PKNOX2: variants seen among roughly 807,000 people sequenced by gnomAD.
The protein encoded by PKNOX2 is homeobox protein PKNOX2.
A neutral mutation model predicts 53.1 loss-of-function variants in PKNOX2; 14 were observed. The observed-to-expected ratio is 0.26, with a 90% confidence interval of 0.17 to 0.41. The LOEUF (loss-of-function observed/expected upper bound fraction) is 0.41, where lower values mean the gene tolerates loss of function less well. Among genes scored for constraint, PKNOX2 ranks in the 10% least tolerant of loss-of-function variants. The pLI, the probability that PKNOX2 is intolerant of heterozygous loss-of-function variation, is 1.00. For missense variants in PKNOX2, 496 were observed against 602.8 expected, an observed-to-expected ratio of 0.82 and a Z score of 1.85; for synonymous variants, 257 against 242.8, an observed-to-expected ratio of 1.06 and a Z score of -0.54.
chr11:125,292,787 C>T (rs1317706588), intron 2 of PKNOX2, among the ~76,000 whole-genome samples: 2 of 152,148 alleles, frequency 1.3e-5, no homozygotes, highest in Admixed American at 6.5e-5. Flanking sequence ...TCCACATTGC[C>T]GTATACCTGA....
chr11:125,278,160 AGTGAGCT>A (rs1361920737), intron 2 of PKNOX2, among the ~76,000 whole-genome samples: 1 of 150,588 alleles, frequency 6.6e-6, no homozygotes, highest in Non-Finnish European at 1.5e-5. Context: ...TGGAGGCTGC[AGTGAGCT>A]GTGATTGCAC....
chr11:125,176,999 CG>C (rs1725895143), intron 1 of PKNOX2, among the ~76,000 whole-genome samples: 1 of 152,176 alleles, frequency 6.6e-6, no homozygotes, highest in Non-Finnish European at 1.5e-5. Context: ...GATAACCTTG[CG>C]ATGTTCATGT....
intron 1 of PKNOX2, among the ~76,000 whole-genome samples, chr11:125,234,281 G>A (rs779708367): frequency 2.0e-5 from 3 of 152,226 alleles, no homozygotes; most frequent in Non-Finnish European, 2.9e-5. Flanking sequence ...GGGGGTTCTT[G>A]TATATGGGTG....
intron 1 of PKNOX2, among the ~76,000 whole-genome samples, chr11:125,201,428 A>G (rs1938427609): frequency 6.6e-6 from 1 of 152,152 alleles, no homozygotes; most frequent in Non-Finnish European, 1.5e-5. Flanking sequence ...GGGGACTTCC[A>G]GATGATATGG....
chr11:125,235,432 C>T (rs1052916674), intron 2 of PKNOX2, among the ~76,000 whole-genome samples: 7 of 152,224 alleles, frequency 4.6e-5, no homozygotes, highest in South Asian at 2.1e-4. Flanking sequence ...CAGCCACTAT[C>T]GCCTGTGGGC....
At chr11:125,320,931 T>G (rs1949482156) in intron 2 of PKNOX2, among the ~76,000 whole-genome samples, 1 of 152,214 alleles carries the variant, frequency 6.6e-6, no homozygotes, top group Non-Finnish European at 1.5e-5. Flanking sequence ...AATTAGTCAT[T>G]GTGCTCTCTT....
intron 1 of PKNOX2, among the ~76,000 whole-genome samples, chr11:125,183,499 A>G (rs893320070): frequency 6.6e-6 from 1 of 152,110 alleles, no homozygotes; most frequent in Non-Finnish European, 1.5e-5. Flanking sequence ...TTTTTCTGAC[A>G]GTAGCTTGCC....
At chr11:125,313,011 C>A (rs58881694) in intron 2 of PKNOX2, among the ~76,000 whole-genome samples, 8 of 152,140 alleles carry the variant, frequency 5.3e-5, no homozygotes, top group African/African-American at 1.9e-4. Context: ...GAGGCCAAGC[C>A]CACTGGAGGC....
intron 1 of PKNOX2, among the ~76,000 whole-genome samples, chr11:125,168,889 T>A (rs1159547828): frequency 6.6e-6 from 1 of 152,254 alleles, no homozygotes; most frequent in Admixed American, 6.5e-5. Context: ...GCTTCCAACA[T>A]GTTGCAAGAT....
At chr11:125,356,924 C>T (rs146875591) in intron 4 of PKNOX2, among the ~76,000 whole-genome samples, 180 of 152,392 alleles carry the variant, frequency 1.2e-3, no homozygotes, top group Middle Eastern at 0.01. Flanking sequence ...ACTCGCTTTA[C>T]ATTCCTCTCA....
rs954624678 is a variant in PKNOX2, at chr11:125,324,148, A to G, written c.-129-7671A>G. Among the ~76,000 whole-genome samples, 5 of 152,190 alleles carry G rather than the reference A, an allele frequency of 3.3e-5. No homozygotes were observed. In the East Asian group the frequency reaches 9.6e-4, roughly 29 times the overall value. The stretch of plus-strand genomic sequence containing the variant: ...GTTTATTTCCCAAGAGAGGCAGAAC[A>G]GAAGCAGCTCACCCTCTTTATAGCT... On this transcript the variant is annotated intron_variant, in intron 2 of 12. Coordinates refer to ENST00000298282, the MANE Select transcript of PKNOX2 (RefSeq NM_001382323.2).
At chr11:125,411,515 C>A (rs1027804848) in intron 9 of PKNOX2, 2 of 407,004 alleles carry the variant, frequency 4.9e-6, no homozygotes, top group South Asian at 2.2e-5. Context: ...TCTCTCCCCC[C>A]CTTCCCCATC....
chr11:125,268,271 T>A (rs932654442), intron 2 of PKNOX2, among the ~76,000 whole-genome samples: 1 of 152,196 alleles, frequency 6.6e-6, no homozygotes, highest in African/African-American at 2.4e-5. Context: ...CCCTTTCACA[T>A]GCAGTATTTT....
At chr11:125,359,698 G>A (rs754317474) in intron 4 of PKNOX2, among the ~76,000 whole-genome samples, 1 of 152,142 alleles carries the variant, frequency 6.6e-6, no homozygotes, top group African/African-American at 2.4e-5. Flanking sequence ...CAAACTGGAG[G>A]GAGTACCAGC....
chr11:125,180,918 G>T (rs978578840), intron 1 of PKNOX2, among the ~76,000 whole-genome samples: 1 of 152,220 alleles, frequency 6.6e-6, no homozygotes, highest in African/African-American at 2.4e-5. Context: ...ATTTAGCTCT[G>T]ACTTGGTAGA....
chr11:125,363,011 G>T (rs1048759890), intron 4 of PKNOX2, among the ~76,000 whole-genome samples: 1 of 152,242 alleles, frequency 6.6e-6, no homozygotes, highest in African/African-American at 2.4e-5. Flanking sequence ...TTCCTTAGCT[G>T]CGAGCTTAAG....
In PKNOX2 at chr11:125,430,063, A is replaced by G; in HGVS notation, c.1114A>G (p.Thr372Ala). Residue 372 changes from threonine to alanine, a missense_variant, in exon 12 of 13, where the codon ACC becomes GCC. By Grantham distance (58) the Thr-to-Ala change is moderately conservative. Around this residue, in one of 5 missense-constraint regions of PKNOX2, gnomAD observed 139 missense variants for 161.3 expected, o/e 0.86. Coordinates refer to ENST00000298282, the MANE Select transcript of PKNOX2 (RefSeq NM_001382323.2). ...GAAGATCAAGTCTCAGCACCGGCCC[A>G]CCCAAAGATTCTGGCCCAACTCCAT... Reference protein sequence around the residue: ...AKKIKSQHRPTQRFWPNSIAA... With the variant: ...AKKIKSQHRPAQRFWPNSIAA... 6.2e-7 allele frequency: 1 copy of G among 1,614,132 alleles called. No individual in the cohort carries two copies. Among genetic ancestry groups the G allele is most frequent in the Non-Finnish European group, 8.5e-7 (1 of 1,180,020 alleles).
chr11:125,385,337 C>T (rs369907329), intron 5 of PKNOX2, among the ~76,000 whole-genome samples: 2 of 152,200 alleles, frequency 1.3e-5, no homozygotes, highest in East Asian at 3.9e-4. Context: ...GGGACAGAAG[C>T]CTCTTAAGCC....
chr11:125,301,008 C>CG (rs1443136691), intron 2 of PKNOX2, among the ~76,000 whole-genome samples: 2 of 152,196 alleles, frequency 1.3e-5, no homozygotes, highest in Non-Finnish European at 2.9e-5. Context: ...GCTCTATCCT[C>CG]GTCCCCTCCT....
Sources: gnomAD v4.1 joint callset for allele counts (sites outside exome capture counted in the v4.1 genomes callset) on GRCh38, gnomAD v4.1.1 for gene constraint, gnomAD v4.1.1 regional missense constraint, MANE v1.5 for transcripts, NCBI Gene and HGNC (gene_info 2026-07-23, HGNC 2026-07-21) for gene names.